The following DTNB variants were observed in gnomAD, a reference collection of about 807,000 sequenced individuals.
DTNB encodes dystrobrevin beta.
In DTNB, 63 loss-of-function variants were observed where a neutral mutation model predicts 90.7. That is an observed-to-expected ratio of 0.69 (90% CI 0.57 to 0.86). The LOEUF (loss-of-function observed/expected upper bound fraction) is 0.86. Among genes scored for constraint, DTNB ranks in the 40% least tolerant of loss-of-function variants. The pLI is 0.00. For missense variants in DTNB, 744 were observed against 807.1 expected (o/e 0.92, Z 0.95); for synonymous variants, 277 against 286.7 (o/e 0.97, Z 0.34).
intron 10 of DTNB, among the ~76,000 whole-genome samples, chr2:25,480,969 C>T (rs2064813870): frequency 6.6e-6 from 1 of 152,230 alleles, no homozygotes; most frequent in Middle Eastern, 3.4e-3. Flanking sequence ...GAGGGCATTG[C>T]TGGTAAATTA....
intron 5 of DTNB, among the ~76,000 whole-genome samples, chr2:25,602,171 T>A (rs763300565): frequency 4.6e-5 from 7 of 152,022 alleles, no homozygotes; most frequent in Non-Finnish European, 8.8e-5. Flanking sequence ...ATATGCCACA[T>A]CATTAAGCTG....
intron 10 of DTNB, among the ~76,000 whole-genome samples, chr2:25,468,588 T>C (rs752766589): frequency 1.3e-5 from 2 of 152,168 alleles, no homozygotes; most frequent in African/African-American, 4.8e-5. Flanking sequence ...AACACGAGTT[T>C]ATAAAGCCAA....
intron 8 of DTNB, among the ~76,000 whole-genome samples, chr2:25,554,952 A>T (rs1044964872): frequency 6.6e-6 from 1 of 152,162 alleles, no homozygotes; most frequent in Non-Finnish European, 1.5e-5. Flanking sequence ...ATGGGTTTGG[A>T]GGATATGGAG....
Position 25,662,155 on chromosome 2 carries a change from C to CA in DTNB, c.-1-9495dup, listed in dbSNP as rs58702026. ...TGGGTGACAGAGCGAGACTCCGTCT[C>CA]AAAAAAAAAAAAACAAAAAAAACAA... On this transcript the variant is annotated intron_variant, in intron 1 of 20. Coordinates refer to ENST00000406818, the MANE Select transcript of DTNB (RefSeq NM_021907.5). 4.1e-3 allele frequency among the ~76,000 whole-genome samples: 533 copies of CA among 131,456 alleles called. 2 individuals are homozygous for CA. The highest frequency in any genetic ancestry group is 0.013 in the African/African-American group (433 of 33,486). The allele number at this position is 131,456 out of a possible 152,430, so 86.2% of individuals were successfully genotyped here.
chr2:25,396,882 A>G (rs2042512329), intron 16 of DTNB, among the ~76,000 whole-genome samples: 1 of 151,986 alleles, frequency 6.6e-6, no homozygotes, highest in East Asian at 1.9e-4. Flanking sequence ...CCACCTTCCA[A>G]TCCTTCACTG....
At chr2:25,428,931 G>A (rs1267697165) in intron 14 of DTNB, among the ~76,000 whole-genome samples, 1 of 152,092 alleles carries the variant, frequency 6.6e-6, no homozygotes, top group Admixed American at 6.5e-5. Flanking sequence ...AGTGTTCTAC[G>A]AACTTTAAAC....
At chr2:25,502,046 T>G (rs1367270035) in intron 9 of DTNB, among the ~76,000 whole-genome samples, 1 of 152,050 alleles carries the variant, frequency 6.6e-6, no homozygotes, top group Admixed American at 6.6e-5. Flanking sequence ...TAGCTGGGCA[T>G]GGTGGTGTAC....
At chr2:25,552,909 G>C (rs557447390) in intron 8 of DTNB, among the ~76,000 whole-genome samples, 2 of 127,992 alleles carry the variant, frequency 1.6e-5, no homozygotes, top group Non-Finnish European at 3.1e-5. Flanking sequence ...GTCGGACTGC[G>C]GACTGCAGTG....
intron 9 of DTNB, among the ~76,000 whole-genome samples, chr2:25,512,848 A>G (rs1360603638): frequency 6.6e-6 from 1 of 152,222 alleles, no homozygotes; most frequent in East Asian, 1.9e-4. Flanking sequence ...GGTCTGGCAG[A>G]GCAGAGGCTT....
chr2:25,559,275 C>T (rs2057872537), intron 8 of DTNB, among the ~76,000 whole-genome samples: 1 of 151,948 alleles, frequency 6.6e-6, no homozygotes, highest in Non-Finnish European at 1.5e-5. Flanking sequence ...CCGAGGCTTA[C>T]GCATCAACCT....
chr2:25,524,770 A>G (rs900720444), intron 9 of DTNB, among the ~76,000 whole-genome samples: 7 of 152,210 alleles, frequency 4.6e-5, no homozygotes, highest in Admixed American at 3.9e-4. Context: ...AGCCTACACC[A>G]TCGAACCACT....
In DTNB at chr2:25,607,336, A is replaced by T. The variant is rs2067335270; in HGVS notation, c.363-15T>A. The T allele has an allele frequency of 1.9e-6, 3 of 1,574,084 alleles. No individual in the cohort carries two copies. Among genetic ancestry groups the T allele is most frequent in the South Asian group, 1.2e-5 (1 of 85,232 alleles). On this transcript the variant is annotated splice_polypyrimidine_tract_variant and intron_variant, in intron 4 of 20. Transcript: ENST00000406818. ...CTCGGCCCTCACTGCAAAATAAATT[A>T]TATTAGAAATAATTGCTATCTGAAA...
chr2:25,481,527 C>A (rs1347296464), intron 10 of DTNB: 1 of 152,144 alleles, frequency 6.6e-6, no homozygotes, highest in Non-Finnish European at 1.5e-5. Flanking sequence ...CCACTCAGCT[C>A]TGTCCAGAAG....
intron 16 of DTNB, among the ~76,000 whole-genome samples, chr2:25,418,496 C>T (rs958916113): frequency 2.6e-5 from 4 of 151,948 alleles, no homozygotes; most frequent in Non-Finnish European, 4.4e-5. Flanking sequence ...GTCAGGAGTT[C>T]GAGACCAGCC....
intron 9 of DTNB, among the ~76,000 whole-genome samples, chr2:25,487,385 T>C (rs954432286): frequency 6.6e-6 from 1 of 152,168 alleles, no homozygotes; most frequent in African/African-American, 2.4e-5. Flanking sequence ...GTGTAGGCAT[T>C]GTGTTAGGTA....
intron 12 of DTNB, among the ~76,000 whole-genome samples, chr2:25,441,113 A>G (rs1447066874): frequency 1.3e-5 from 2 of 152,182 alleles, no homozygotes; most frequent in Non-Finnish European, 2.9e-5. Context: ...CATCCTTACA[A>G]TGAAACCACC....
intron 2 of DTNB, chr2:25,650,259 C>G (rs2080573783): frequency 1.0e-6 from 1 of 984,772 alleles, no homozygotes; most frequent in South Asian, 4.7e-5. Context: ...CTTCCCTTTA[C>G]TAACATGGAA....
At chr2:25,549,601 A>AT (rs1273252046) in intron 8 of DTNB, among the ~76,000 whole-genome samples, 2 of 152,114 alleles carry the variant, frequency 1.3e-5, no homozygotes, top group African/African-American at 4.8e-5. Flanking sequence ...ATCATCTTAT[A>AT]TTTTACAACC....
rs554518560 is a variant in DTNB at position 25,378,383 on chromosome 2, C to G, written c.*30-830G>C. ...CGCACAATCCAGAGTCAGCGCAGGC[C>G]GAGGCTGCAGGGGCCCCGGGGGAGC... On this transcript the variant is annotated intron_variant, in intron 20 of 20. Transcript: ENST00000406818. Among the ~76,000 whole-genome samples the G allele has an allele frequency of 4.3e-4, 66 of 152,320 alleles. 1 individual carries two copies. In the South Asian group the frequency reaches 8.3e-3, roughly 19 times the overall value.
Sources: gnomAD v4.1 joint callset for allele counts (sites outside exome capture counted in the v4.1 genomes callset) on GRCh38, gnomAD v4.1.1 for gene constraint, MANE v1.5 for transcripts, NCBI Gene and HGNC (gene_info 2026-07-23, HGNC 2026-07-21) for gene names.